Variants in SLC2A13 observed in about 807,000 individuals in gnomAD.
SLC2A13 encodes solute carrier family 2 member 13, also known as proton myo-inositol cotransporter.
SLC2A13 carries 32 observed loss-of-function variants against 64.4 expected under a neutral mutation model. The ratio of observed to expected loss-of-function variants is 0.50; its 90% CI spans 0.37 to 0.67. SLC2A13 has a LOEUF of 0.67. Ranked by LOEUF, SLC2A13 falls within the 30% of genes least tolerant of loss-of-function variation. The pLI is 0.00. For missense variants in SLC2A13, 743 were observed against 829.2 expected (o/e 0.90, Z 1.28); for synonymous variants, 338 against 327.1 (o/e 1.03, Z -0.36).
At chr12:39,906,283 C>G (rs1945278495) in intron 4 of SLC2A13, among the ~76,000 whole-genome samples, 2 of 151,970 alleles carry the variant, frequency 1.3e-5, no homozygotes, top group Admixed American at 6.6e-5. Context: ...GAATTATTAC[C>G]AAATCACTGT....
At chr12:39,973,149 G>T (rs933348536) in intron 3 of SLC2A13, among the ~76,000 whole-genome samples, 3 of 152,084 alleles carry the variant, frequency 2.0e-5, no homozygotes, top group African/African-American at 7.2e-5. Context: ...ATTCTAAGCA[G>T]GCTTTCCTCT....
At chr12:39,997,597 G>A (rs1302833777) in intron 3 of SLC2A13, among the ~76,000 whole-genome samples, 2 of 152,148 alleles carry the variant, frequency 1.3e-5, no homozygotes, top group South Asian at 2.1e-4. Context: ...TTGGGAGGCC[G>A]AGGCAGGCAG....
intron 3 of SLC2A13, among the ~76,000 whole-genome samples, chr12:40,017,327 G>A (rs1031451820): frequency 3.3e-5 from 5 of 152,142 alleles, no homozygotes; most frequent in East Asian, 1.9e-4. Flanking sequence ...CCAGGGAGTC[G>A]AGAGAAGGAA....
intron 1 of SLC2A13, among the ~76,000 whole-genome samples, chr12:40,089,803 A>G (rs1401282216): frequency 6.6e-6 from 1 of 152,202 alleles, no homozygotes; most frequent in African/African-American, 2.4e-5. Context: ...AGTTTTTAAC[A>G]GCATTCCAGT....
chr12:39,878,991 T>C (rs79839725), intron 4 of SLC2A13, among the ~76,000 whole-genome samples: 1,857 of 152,328 alleles, frequency 0.012, 42 homozygotes, highest in African/African-American at 0.042. Context: ...CCCCACATAC[T>C]GGCCTCTCCA....
chr12:40,034,235 T>A (rs546656165), intron 2 of SLC2A13, among the ~76,000 whole-genome samples: 1 of 152,210 alleles, frequency 6.6e-6, no homozygotes, highest in Non-Finnish European at 1.5e-5. Context: ...ACAGTAAAGG[T>A]TTTCAGACAC....
intron 4 of SLC2A13, among the ~76,000 whole-genome samples, chr12:39,901,032 C>T (rs1353262078): frequency 2.0e-5 from 3 of 152,140 alleles, no homozygotes; most frequent in Non-Finnish European, 4.4e-5. Context: ...AGAAATAACA[C>T]TGCATATCTA....
chr12:39,899,085 A>C (rs1396098287), intron 4 of SLC2A13, among the ~76,000 whole-genome samples: 2 of 152,064 alleles, frequency 1.3e-5, no homozygotes, highest in Non-Finnish European at 2.9e-5. Context: ...CCTCTGGTAG[A>C]ATTCGGCTGT....
At chr12:39,877,988 C>T (rs1944234789) in intron 4 of SLC2A13, among the ~76,000 whole-genome samples, 1 of 152,132 alleles carries the variant, frequency 6.6e-6, no homozygotes, top group Non-Finnish European at 1.5e-5. Context: ...CCTCCCCTGA[C>T]CCACTCTCCT....
chr12:39,786,899 C>A (rs952580511), intron 7 of SLC2A13, among the ~76,000 whole-genome samples: 6 of 152,136 alleles, frequency 3.9e-5, no homozygotes, highest in Admixed American at 3.9e-4. Context: ...TGTCCACTTA[C>A]CTTTGTTCTT....
At chr12:40,091,146 A>G (rs1938752929) in intron 1 of SLC2A13, among the ~76,000 whole-genome samples, 1 of 152,218 alleles carries the variant, frequency 6.6e-6, no homozygotes, top group Non-Finnish European at 1.5e-5. Context: ...AAACATGGCT[A>G]AACATAGAAA....
intron 6 of SLC2A13, among the ~76,000 whole-genome samples, chr12:39,853,410 A>T (rs1249885774): frequency 6.7e-6 from 1 of 149,968 alleles, no homozygotes; most frequent in Admixed American, 6.7e-5. Context: ...AACACTCTTT[A>T]AAAAAAAAAT....
At chr12:39,763,626 T>G (rs944236383) in intron 9 of SLC2A13, among the ~76,000 whole-genome samples, 1 of 151,958 alleles carries the variant, frequency 6.6e-6, no homozygotes, top group Admixed American at 6.6e-5. Context: ...GTAAAGAGAT[T>G]GCGGGGAGAT....
At chr12:39,905,085 T>TCGCTGGAACCTGG in intron 4 of SLC2A13, among the ~76,000 whole-genome samples, 1 of 152,286 alleles carries the variant, frequency 6.6e-6, no homozygotes, top group East Asian at 1.9e-4. Context: ...GCCCACAGAA[T>TCGCTGGAACCTGG]GAGACTTCTG....
At chr12:40,034,058 C>T (rs1048980108) in intron 2 of SLC2A13, among the ~76,000 whole-genome samples, 1 of 152,130 alleles carries the variant, frequency 6.6e-6, no homozygotes, top group African/African-American at 2.4e-5. Flanking sequence ...ACTGGAAGAT[C>T]TATATGATCT....
intron 6 of SLC2A13, chr12:39,830,574 T>C (rs1156857856): frequency 1.3e-6 from 1 of 776,134 alleles, no homozygotes; most frequent in Non-Finnish European, 1.6e-6. Context: ...ACTGCCTCAT[T>C]GTGATCCAGC....
intron 1 of SLC2A13, among the ~76,000 whole-genome samples, chr12:40,058,116 A>G (rs1948363763): frequency 6.6e-6 from 1 of 151,976 alleles, no homozygotes; most frequent in Non-Finnish European, 1.5e-5. Flanking sequence ...ATTTTACTAT[A>G]AATATATAGT....
Position 39,808,480 on chromosome 12 carries a change from T to C in SLC2A13, c.1445+21623A>G, listed in dbSNP as rs572391014. Among the ~76,000 whole-genome samples the C allele has an allele frequency of 7.3e-4, 111 of 152,278 alleles. 1 individual carries two copies. The highest frequency in any genetic ancestry group is 3.4e-3 in the Middle Eastern group (1 of 294). ...AATGTGTCATAATTGAATTACTGGG[T>C]TGTATGGAAAAGATGTGATTAACTT... On this transcript the variant is annotated intron_variant, in intron 7 of 9. Coordinates refer to ENST00000280871, the MANE Select transcript of SLC2A13 (RefSeq NM_052885.4).
chr12:39,852,861 C>T (rs986243844), intron 6 of SLC2A13, among the ~76,000 whole-genome samples: 24 of 152,094 alleles, frequency 1.6e-4, no homozygotes, highest in Admixed American at 4.6e-4. Context: ...GGTAGCCTTC[C>T]GAGACGAATT....
Sources: allele counts gnomAD v4.1 joint callset (sites outside exome capture counted in the v4.1 genomes callset), GRCh38; gene constraint gnomAD v4.1.1; transcripts MANE v1.5; gene names NCBI Gene and HGNC (gene_info 2026-07-23, HGNC 2026-07-21).